The following ZNF585A variants were observed in gnomAD, a reference collection of about 807,000 sequenced individuals.
The protein encoded by ZNF585A is zinc finger protein 585A.
A neutral mutation model predicts 14.9 loss-of-function variants in ZNF585A; 9 were observed. That is an observed-to-expected ratio of 0.60 (90% CI 0.36 to 1.05). The LOEUF is 1.05. ZNF585A is among the 50% of genes least tolerant of loss of function. The probability of loss-of-function intolerance (pLI) is 0.01; values close to 1 mark genes in which losing one functional copy is unlikely to be tolerated. For synonymous variants in ZNF585A, 276 were observed against 319.9 expected (o/e 0.86, Z 1.46); for missense variants, 726 against 926.4 (o/e 0.78, Z 2.81).
In ZNF585A at chr19:37,152,464, A is replaced by C; in HGVS notation, c.1435T>G (p.Ser479Ala). 1 of 1,613,996 alleles carries C rather than the reference A, an allele frequency of 6.2e-7. No homozygotes were observed. The highest frequency in any genetic ancestry group is 8.5e-7 in the Non-Finnish European group (1 of 1,180,008). ...NKCGKAFTNR[S>A]NLITHQKTHT... The stretch of plus-strand genomic sequence containing the variant: ...GTTTTCTGATGTGTAATGAGATTTG[A>C]CCGGTTGGTGAATGCCTTCCCACAT... The change falls in exon 5 of 5, where the codon TCA becomes GCA. Residue 479 changes from serine to alanine, a missense_variant. Ser to Ala is a moderately conservative substitution (Grantham distance 99). Transcript: ENST00000292841.
intron 1 of ZNF585A, 132 bp from the exon 2 acceptor site, chr19:37,170,186 C>T (rs561027493): frequency 2.8e-6 from 1 of 359,230 alleles, no homozygotes; most frequent in African/African-American, 2.0e-5. Flanking sequence ...ATTCAAGTTA[C>T]CTGGAGGACC....
intron 3 of ZNF585A, 81 bp from the exon 4 acceptor site, chr19:37,156,038 A>G (rs1453006951): frequency 6.3e-7 from 1 of 1,595,080 alleles, no homozygotes; most frequent in Non-Finnish European, 8.6e-7. Flanking sequence ...TTCTTTGATG[A>G]GGATTTTTTC....
At position 37,153,009 on chromosome 19, in the gene ZNF585A, G is replaced by T; in HGVS notation, c.890C>A (p.Pro297Gln). The T allele has an allele frequency of 1.2e-6, 2 of 1,614,190 alleles. No individual in the cohort carries two copies. The highest frequency in any genetic ancestry group is 1.7e-6 in the Non-Finnish European group (2 of 1,180,032). Residue 297 changes from proline to glutamine, a missense_variant, in exon 5 of 5, where the codon CCA becomes CAA. Pro to Gln is a moderately conservative substitution (Grantham distance 76). Around this residue, in one of 2 missense-constraint regions of ZNF585A, gnomAD observed 483 missense variants for 542.8 expected, o/e 0.89. Transcript: ENST00000292841. ...AHRRIHTGEKPYECSNCGKSF... is the reference protein window; with the variant it reads ...AHRRIHTGEKQYECSNCGKSF... ...TTTGCCACAGTTACTGCACTCATAT[G>T]GTTTTTCTCCAGTATGAATTCTTCG...
At chr19:37,171,554 A>G (rs890933812) in intron 1 of ZNF585A, among the ~76,000 whole-genome samples, 2 of 152,212 alleles carry the variant, frequency 1.3e-5, no homozygotes, top group Non-Finnish European at 2.9e-5. Context: ...AATTGTTGGT[A>G]TAAGCTTGAA....
intron 2 of ZNF585A, among the ~76,000 whole-genome samples, chr19:37,161,582 C>T (rs1234950203): frequency 6.6e-6 from 1 of 152,092 alleles, no homozygotes; most frequent in East Asian, 1.9e-4. Flanking sequence ...GCATGCCTCT[C>T]CTGCCTCCCC....
rs768721537 is a variant in ZNF585A, at chr19:37,152,587, G to A, written c.1312C>T (p.His438Tyr). The A allele has an allele frequency of 1.1e-5, 17 of 1,614,032 alleles. No homozygotes were observed. The highest frequency in any genetic ancestry group is 1.6e-4 in the Middle Eastern group (1 of 6,062). Reference protein sequence around the residue: ...HQIIHTGEKPHKCGHCGKLFT... With the variant: ...HQIIHTGEKPYKCGHCGKLFT... Reference sequence around the variant, plus strand: ...AATTTCCCACAGTGACCACATTTATGAGGTTTCTCTCCAGTATGAATTATT... The same window carrying A: ...AATTTCCCACAGTGACCACATTTATAAGGTTTCTCTCCAGTATGAATTATT... Residue 438 changes from histidine to tyrosine, a missense_variant, in exon 5 of 5, where the codon CAT (histidine) becomes TAT (tyrosine). This residue lies in a region of ZNF585A where 483 missense variants were observed against 542.8 expected (regional missense o/e 0.89). Transcript: ENST00000292841.
chr19:37,162,446 C>T (rs1972026246), intron 2 of ZNF585A, among the ~76,000 whole-genome samples: 1 of 152,056 alleles, frequency 6.6e-6, no homozygotes, highest in East Asian at 1.9e-4. Flanking sequence ...GACAGAAATA[C>T]CATTTGACCC....
intron 1 of ZNF585A, chr19:37,172,240 C>T (rs570132624): frequency 4.6e-5 from 7 of 152,066 alleles, no homozygotes; most frequent in African/African-American, 1.7e-4. Context: ...ACTCATGGAT[C>T]AAAGAAAAAA....
chr19:37,166,052 C>T (rs537848758), intron 2 of ZNF585A, among the ~76,000 whole-genome samples: 27 of 152,236 alleles, frequency 1.8e-4, no homozygotes, highest in Middle Eastern at 6.8e-3. Context: ...CTTGCTCCGT[C>T]GCCCAGGCTG....
intron 2 of ZNF585A, among the ~76,000 whole-genome samples, chr19:37,164,258 C>T (rs1370435595): frequency 6.6e-6 from 1 of 151,924 alleles, no homozygotes; most frequent in African/African-American, 2.4e-5. Flanking sequence ...AAAAAATTAG[C>T]AGGGCGTGGT....
intron 2 of ZNF585A, among the ~76,000 whole-genome samples, chr19:37,167,347 G>C (rs1218063299): frequency 3.3e-5 from 5 of 151,218 alleles, no homozygotes; most frequent in African/African-American, 1.2e-4. Flanking sequence ...CTAATTTTTT[G>C]TGTTTTTAGT....
chr19:37,156,660 T>G (rs942331251), intron 2 of ZNF585A, among the ~76,000 whole-genome samples: 1 of 152,144 alleles, frequency 6.6e-6, no homozygotes, highest in Non-Finnish European at 1.5e-5. Flanking sequence ...TCAAAGTAAG[T>G]TGCAGATGAC....
rs1360010937 is a variant in ZNF585A at position 37,146,752 on chromosome 19, CCTCT to C, written c.*4833_*4836del. ...GATCCCCCACTCCTGCCCCTTTCCC[CCTCT>C]ATGTGACCTGCCACTGTGACCAGGA... On this transcript the variant is annotated 3_prime_UTR_variant, in exon 5 of 5. Coordinates refer to ENST00000292841, the MANE Select transcript of ZNF585A (RefSeq NM_001288800.2). The C allele has an allele frequency of 2.0e-5, 3 of 152,852 alleles. No individual in the cohort carries two copies. The highest frequency in any genetic ancestry group is 4.8e-5 in the African/African-American group (2 of 41,446). 9.5% of individuals were successfully genotyped at this position (152,852 alleles called of 1,614,324 possible).
At chr19:37,157,751 A>G (rs1282899751) in intron 2 of ZNF585A, among the ~76,000 whole-genome samples, 1 of 152,218 alleles carries the variant, frequency 6.6e-6, no homozygotes, top group South Asian at 2.1e-4. Flanking sequence ...TCAGAAAAGC[A>G]GTATAGGAAA....
intron 4 of ZNF585A, among the ~76,000 whole-genome samples, chr19:37,155,527 C>T (rs985299184): frequency 1.3e-5 from 2 of 151,930 alleles, no homozygotes; most frequent in Non-Finnish European, 2.9e-5. Context: ...GGCTGGCAAA[C>T]ACCTGTAATC....
At chr19:37,153,784 A>C (rs142322755) in intron 4 of ZNF585A, among the ~76,000 whole-genome samples, 178 bp from the exon 5 acceptor site, 1 of 152,338 alleles carries the variant, frequency 6.6e-6, no homozygotes, top group African/African-American at 2.4e-5. Context: ...GTTTGGGTTC[A>C]CATGAATTAT....
In ZNF585A at chr19:37,153,251, G is replaced by A. The variant is rs372852597; in HGVS notation, c.648C>T (p.Cys216=). 5 of 1,614,052 alleles carry A rather than the reference G, an allele frequency of 3.1e-6. No homozygotes were observed. Among genetic ancestry groups the A allele is most frequent in the African/African-American group, 1.3e-5 (1 of 74,922 alleles). The change falls in exon 5 of 5, where the codon TGC becomes TGT. Residue 216 remains cysteine (C), a synonymous_variant. Transcript: ENST00000292841. ...AAGAGAAGCCTTTCCCACACTGGCT[G>A]CATTCATAGAGTTTCTCTCCGGTAT... ...RIHTGEKLYE[C]SQCGKGFSYN... is the part of the protein sequence containing the mutation.
rs1471665854 is a variant in ZNF585A at position 37,151,710 on chromosome 19, C to A, written c.2189G>T (p.Arg730Met). The A allele has an allele frequency of 1.9e-6, 3 of 1,614,072 alleles. No individual in the cohort carries two copies. In the African/African-American group the frequency reaches 4.0e-5, roughly 22 times the overall value. Residue 730 changes from arginine (R) to methionine (M), a missense_variant, in exon 5 of 5, where the codon AGG becomes ATG. Physicochemically the swap from Arg to Met is moderately conservative, Grantham distance 91. Around this residue, in one of 2 missense-constraint regions of ZNF585A, gnomAD observed 243 missense variants for 383.6 expected, o/e 0.63. Transcript: ENST00000292841. ...TGTCTGATGTTTATTCAAATTGGAC[C>A]TGTCAGTAAAGGCCTTCCCACACTC... is the stretch of plus-strand genomic sequence containing the variant. ...CAECGKAFTD[R>M]SNLNKHQTTH...
At chr19:37,156,629 C>T (rs1314620977) in intron 2 of ZNF585A, among the ~76,000 whole-genome samples, 1 of 152,094 alleles carries the variant, frequency 6.6e-6, no homozygotes, top group East Asian at 1.9e-4. Context: ...TTTATCTATC[C>T]ATCTTGCTTC....
Sources: allele counts gnomAD v4.1 joint callset (sites outside exome capture counted in the v4.1 genomes callset), GRCh38; gene constraint gnomAD v4.1.1; regional missense constraint gnomAD v4.1.1; transcripts MANE v1.5; gene names NCBI Gene and HGNC (gene_info 2026-07-23, HGNC 2026-07-21).